The following MIPOL1 variants were observed in gnomAD, a reference collection of about 807,000 sequenced individuals.
MIPOL1 encodes the protein mirror-image polydactyly gene 1 protein.
Under a neutral mutation model 60.9 loss-of-function variants are expected in MIPOL1, and 57 were observed. The ratio of observed to expected loss-of-function variants is 0.94; its 90% CI spans 0.76 to 1.17. MIPOL1 has a LOEUF of 1.17. Ranked by LOEUF, MIPOL1 falls within the 50% of genes most tolerant of loss-of-function variation. MIPOL1 has a pLI of 0.00. For synonymous variants in MIPOL1, 179 were observed against 168.8 expected (o/e 1.06, Z -0.47); for missense variants, 551 against 511.6 (o/e 1.08, Z -0.74).
chr14:37,391,784 C>G (rs912003609), intron 10 of MIPOL1, among the ~76,000 whole-genome samples: 8 of 152,020 alleles, frequency 5.3e-5, no homozygotes, highest in African/African-American at 1.9e-4. Flanking sequence ...AAGCCTAGAA[C>G]TGGGTAATGG....
At chr14:37,535,952 G>A (rs1594917512) in intron 12 of MIPOL1, among the ~76,000 whole-genome samples, 2 of 151,848 alleles carry the variant, frequency 1.3e-5, no homozygotes, top group South Asian at 4.2e-4. Flanking sequence ...CCAGGCTGGA[G>A]TGCAGTGAGT....
intron 9 of MIPOL1, among the ~76,000 whole-genome samples, chr14:37,310,052 C>G (rs1039014542): frequency 2.6e-5 from 4 of 152,056 alleles, no homozygotes; most frequent in Non-Finnish European, 5.9e-5. Flanking sequence ...TGTCCTTACT[C>G]CCCCACCCCA....
At chr14:37,408,210 A>G (rs2093624835) in intron 10 of MIPOL1, among the ~76,000 whole-genome samples, 1 of 152,124 alleles carries the variant, frequency 6.6e-6, no homozygotes, top group Non-Finnish European at 1.5e-5. Flanking sequence ...AGAGAAAACA[A>G]TATTATTAGA....
chr14:37,477,682 C>T (rs1057336920), intron 11 of MIPOL1, among the ~76,000 whole-genome samples: 45 of 152,186 alleles, frequency 3.0e-4, no homozygotes, highest in Non-Finnish European at 2.9e-5. Flanking sequence ...TGCAGGGACA[C>T]AACACACAGT....
intron 7 of MIPOL1, among the ~76,000 whole-genome samples, chr14:37,297,548 A>G (rs1163162368): frequency 6.6e-6 from 1 of 152,200 alleles, no homozygotes; most frequent in Non-Finnish European, 1.5e-5. Context: ...TTGTGTATCT[A>G]GAAAACCCCA....
At chr14:37,198,522 G>A (rs1964703160) in intron 1 of MIPOL1, among the ~76,000 whole-genome samples, 1 of 152,064 alleles carries the variant, frequency 6.6e-6, no homozygotes, top group Non-Finnish European at 1.5e-5. Context: ...AAGTGTGGGC[G>A]AAGAATGAGG....
intron 3 of MIPOL1, among the ~76,000 whole-genome samples, chr14:37,262,978 C>T (rs1383811323): frequency 6.6e-6 from 1 of 152,166 alleles, no homozygotes; most frequent in East Asian, 1.9e-4. Flanking sequence ...TAGCCACTGC[C>T]TTACTTCTGT....
intron 7 of MIPOL1, among the ~76,000 whole-genome samples, chr14:37,300,221 A>G (rs1042672948): frequency 1.4e-4 from 21 of 150,052 alleles, no homozygotes; most frequent in African/African-American, 4.6e-4. Context: ...AGTCCATACT[A>G]AAGAATGAAG....
intron 10 of MIPOL1, among the ~76,000 whole-genome samples, chr14:37,381,687 A>T (rs1184963610): frequency 2.0e-5 from 3 of 151,504 alleles, no homozygotes; most frequent in Non-Finnish European, 2.9e-5. Context: ...GGCTCAAGTG[A>T]TCCTCCCACC....
intron 12 of MIPOL1, chr14:37,502,436 A>C (rs576857376): frequency 6.6e-6 from 1 of 152,428 alleles, no homozygotes; most frequent in East Asian, 1.9e-4. Flanking sequence ...CTTCTGCAAT[A>C]TGTGCAGTTC....
At chr14:37,231,828 C>G (rs1970680684) in intron 1 of MIPOL1, among the ~76,000 whole-genome samples, 1 of 152,124 alleles carries the variant, frequency 6.6e-6, no homozygotes, top group Non-Finnish European at 1.5e-5. Context: ...ACCTGTTATC[C>G]TAGCACTTTA....
intron 11 of MIPOL1, among the ~76,000 whole-genome samples, chr14:37,485,140 A>G (rs2094928128): frequency 6.6e-6 from 1 of 152,142 alleles, no homozygotes; most frequent in African/African-American, 2.4e-5. Flanking sequence ...GATGGTTTCC[A>G]GCTTCATCCA....
chr14:37,253,836 G>C lies in MIPOL1; in HGVS notation c.19+5929G>C. Reference sequence around the variant, plus strand: ...TTAATTTAGGATAAAATCTATTTTCGTCTGTATTGAAATTCCAGTTGCAAT... The same window carrying C: ...TTAATTTAGGATAAAATCTATTTTCCTCTGTATTGAAATTCCAGTTGCAAT... On this transcript the variant is annotated intron_variant, in intron 3 of 12. Transcript: ENST00000684589. Among the ~76,000 whole-genome samples, 4 of 151,644 alleles carry C rather than the reference G, an allele frequency of 2.6e-5. 1 individual carries two copies. The Middle Eastern group carries it at 0.014, about 516-fold the overall frequency.
intron 11 of MIPOL1, among the ~76,000 whole-genome samples, chr14:37,451,084 A>G (rs2094410359): frequency 6.6e-6 from 1 of 152,088 alleles, no homozygotes; most frequent in Admixed American, 6.6e-5. Context: ...TGTTTCCTCT[A>G]CTCAAATTAT....
At chr14:37,493,015 AAAAT>A (rs1429542159) in intron 11 of MIPOL1, among the ~76,000 whole-genome samples, 1 of 152,198 alleles carries the variant, frequency 6.6e-6, no homozygotes, top group Non-Finnish European at 1.5e-5. Flanking sequence ...TTATCCAATT[AAAAT>A]AAATAGCATA....
intron 11 of MIPOL1, among the ~76,000 whole-genome samples, chr14:37,446,215 A>T (rs1373131215): frequency 3.3e-5 from 5 of 152,236 alleles, no homozygotes; most frequent in African/African-American, 4.8e-5. Context: ...ATGAACTCAA[A>T]CAAATTTTCA....
intron 9 of MIPOL1, among the ~76,000 whole-genome samples, chr14:37,368,305 C>T (rs1349199947): frequency 6.6e-6 from 1 of 151,768 alleles, no homozygotes; most frequent in Admixed American, 6.6e-5. Flanking sequence ...ATTTTGCAAT[C>T]TAAGTCAATA....
intron 10 of MIPOL1, among the ~76,000 whole-genome samples, chr14:37,399,585 T>C (rs1271648217): frequency 1.3e-5 from 2 of 152,182 alleles, no homozygotes; most frequent in African/African-American, 4.8e-5. Context: ...TAGCACTCTT[T>C]TGATACAAAG....
chr14:37,512,958 A>G (rs1210788506), intron 12 of MIPOL1, among the ~76,000 whole-genome samples: 2 of 152,146 alleles, frequency 1.3e-5, no homozygotes, highest in South Asian at 2.1e-4. Context: ...TCAGCAAGTA[A>G]TAAGTCGAAT....
Sources: gnomAD v4.1 joint callset for allele counts (sites outside exome capture counted in the v4.1 genomes callset) on GRCh38, gnomAD v4.1.1 for gene constraint, MANE v1.5 for transcripts, NCBI Gene and HGNC (gene_info 2026-07-23, HGNC 2026-07-21) for gene names.